The following ANXA13 variants were observed in gnomAD, a reference collection of about 807,000 sequenced individuals.
The protein encoded by ANXA13 is annexin A13, also known as annexin XIII.
Under a neutral mutation model 46.6 loss-of-function variants are expected in ANXA13, and 36 were observed. That is an observed-to-expected ratio of 0.77 (90% CI 0.59 to 1.02). The LOEUF (loss-of-function observed/expected upper bound fraction) is 1.02, where lower values mean the gene tolerates loss of function less well. ANXA13 is among the 50% of genes least tolerant of loss of function. The pLI is 0.00. For synonymous variants in ANXA13, 163 were observed against 152.9 expected (o/e 1.07, Z -0.49); for missense variants, 417 against 396.5 (o/e 1.05, Z -0.44).
In ANXA13 at chr8:123,702,669, C is replaced by A; in HGVS notation, c.159G>T (p.Lys53Asn). The A allele has an allele frequency of 6.2e-7, 1 of 1,614,078 alleles. No homozygotes were observed. The highest frequency in any genetic ancestry group is 8.5e-7 in the Non-Finnish European group (1 of 1,180,008). Reference sequence around the variant, plus strand: ...TGCCGTACGTTGCCTTGTACTTTTGCTTGATTTGTTGCCTCTCATCTGATG... The same window carrying A: ...TGCCGTACGTTGCCTTGTACTTTTGATTGATTTGTTGCCTCTCATCTGATG... ...GRTSDERQQI[K>N]QKYKATYGKE... Residue 53 changes from lysine to asparagine, a missense_variant, in exon 3 of 11, where the codon AAG becomes AAT. Physicochemically the swap from Lys to Asn is moderately conservative, Grantham distance 94. Coordinates refer to ENST00000419625, the MANE Select transcript of ANXA13 (RefSeq NM_004306.4).
chr8:123,684,639 A>G lies in ANXA13; in HGVS notation c.802T>C (p.Leu268=). 6.2e-7 allele frequency: 1 copy of G among 1,614,122 alleles called. No homozygotes were observed. The highest frequency in any genetic ancestry group is 2.2e-5 in the East Asian group (1 of 44,886). Residue 268 remains leucine, a synonymous_variant, in exon 10 of 11, where the codon TTG becomes CTG. Coordinates refer to ENST00000419625, the MANE Select transcript of ANXA13 (RefSeq NM_004306.4). The part of the protein sequence containing the change: ...MKGAGTDEET[L]IRIVVTRAEV... ...GCCCTGGTCACGACTATGCGAATCA[A>G]CGTCTCCTCATCGGTCCCCGCACCC...
At chr8:123,735,992 A>T in intron 1 of ANXA13, 4 of 1,158,694 alleles carry the variant, frequency 3.5e-6, no homozygotes, top group Non-Finnish European at 4.6e-6. Context: ...TGCAGGGTCC[A>T]TTGATTATTC....
intron 2 of ANXA13, among the ~76,000 whole-genome samples, chr8:123,706,653 G>A (rs1699949714): frequency 6.6e-6 from 1 of 152,118 alleles, no homozygotes. Flanking sequence ...TTTCCAATTG[G>A]CATTCACTGC....
chr8:123,688,999 T>A, intron 8 of ANXA13, 53 bp from the exon 9 acceptor site: 1 of 1,566,280 alleles, frequency 6.4e-7, no homozygotes, highest in Non-Finnish European at 8.8e-7. Flanking sequence ...TTGACCTTAG[T>A]ACTCTTGGGG....
chr8:123,693,408 G>A (rs1045794882), intron 7 of ANXA13, 110 bp from the exon 8 acceptor site: 12 of 936,252 alleles, frequency 1.3e-5, no homozygotes, highest in Non-Finnish European at 1.7e-5. Flanking sequence ...GCATTGAATA[G>A]AAGTCAAATG....
At chr8:123,733,777 A>G (rs1371569724) in intron 1 of ANXA13, among the ~76,000 whole-genome samples, 1 of 152,184 alleles carries the variant, frequency 6.6e-6, no homozygotes, top group Non-Finnish European at 1.5e-5. Flanking sequence ...GGGAGCACTT[A>G]CAAACCCTGA....
chr8:123,681,275 C>T lies in ANXA13; in HGVS notation c.916G>A (p.Asp306Asn). The T allele has an allele frequency of 6.2e-7, 1 of 1,614,084 alleles. No homozygotes were observed. The highest frequency in any genetic ancestry group is 8.5e-7 in the Non-Finnish European group (1 of 1,179,964). Reference protein sequence around the residue: ...SDMVRSDTSGDFRKLLVALLH With the variant: ...SDMVRSDTSGNFRKLLVALLH Reference sequence around the variant, plus strand: ...AGGGCTACTAGCAGTTTCCGGAAGTCCCCGGAGGTATCTGAGCGAACCATG... The same window carrying T: ...AGGGCTACTAGCAGTTTCCGGAAGTTCCCGGAGGTATCTGAGCGAACCATG... The change falls in exon 11 of 11, where the codon GAC becomes AAC. Residue 306 changes from aspartate (D) to asparagine (N), a missense_variant. Transcript: ENST00000419625.
Position 123,685,001 on chromosome 8 carries a change from G to A in ANXA13, c.719-279C>T, listed in dbSNP as rs570750190. 6.6e-5 allele frequency among the ~76,000 whole-genome samples: 10 copies of A among 152,308 alleles called. No individual in the cohort carries two copies. In the East Asian group the frequency reaches 1.7e-3, roughly 26 times the overall value. ...CCTCCCGGCCACGTCCATGATTCTC[G>A]TTATTTCCCAGCAGAAATAACTTTC... On this transcript the variant is annotated intron_variant, in intron 9 of 10. Coordinates refer to ENST00000419625, the MANE Select transcript of ANXA13 (RefSeq NM_004306.4).
intron 1 of ANXA13, among the ~76,000 whole-genome samples, chr8:123,713,663 T>C (rs1813703833): frequency 6.6e-6 from 1 of 152,196 alleles, no homozygotes; most frequent in African/African-American, 2.4e-5. Context: ...CCTTTTCTCA[T>C]GGAGCTTTTC....
intron 1 of ANXA13, among the ~76,000 whole-genome samples, chr8:123,731,645 T>C (rs1814119807): frequency 6.6e-6 from 1 of 151,924 alleles, no homozygotes; most frequent in East Asian, 1.9e-4. Context: ...AGGCTGAGGT[T>C]GGAGGATTCT....
At chr8:123,711,364 C>T (rs1384821943) in intron 2 of ANXA13, among the ~76,000 whole-genome samples, 1 of 152,212 alleles carries the variant, frequency 6.6e-6, no homozygotes, top group Non-Finnish European at 1.5e-5. Context: ...TTGGATGTCA[C>T]CCTCTTCCAG....
At chr8:123,715,060 A>G (rs936839868) in intron 1 of ANXA13, among the ~76,000 whole-genome samples, 3 of 152,240 alleles carry the variant, frequency 2.0e-5, no homozygotes, top group African/African-American at 4.8e-5. Context: ...GCAGAATGAT[A>G]CCTCCTGTTT....
At position 123,704,687 on chromosome 8, in the gene ANXA13, G is replaced by A. The variant is rs117588543; in HGVS notation, c.92-1951C>T. On this transcript the variant is annotated intron_variant, in intron 2 of 10. Transcript: ENST00000419625. ...GCTAGGATGACAGGCATGAGCCACCGCACCCGGCCTGCGGTTGACAATTCT... is the reference window on the plus strand; with the variant it reads ...GCTAGGATGACAGGCATGAGCCACCACACCCGGCCTGCGGTTGACAATTCT... Among the ~76,000 whole-genome samples, 830 of 152,234 alleles carry A rather than the reference G, an allele frequency of 5.5e-3. 4 individuals are homozygous for A. The highest frequency in any genetic ancestry group is 7.0e-3 in the Non-Finnish European group (475 of 68,000).
At chr8:123,724,248 A>C (rs1813940001) in intron 1 of ANXA13, among the ~76,000 whole-genome samples, 1 of 152,164 alleles carries the variant, frequency 6.6e-6, no homozygotes. Flanking sequence ...AGCTAAATAG[A>C]GTTTGGGGCT....
chr8:123,709,249 C>A (rs935647349), intron 2 of ANXA13, among the ~76,000 whole-genome samples: 3 of 152,192 alleles, frequency 2.0e-5, no homozygotes, highest in African/African-American at 7.2e-5. Flanking sequence ...TATCCCTCTC[C>A]ATGTGAGGAG....
intron 1 of ANXA13, among the ~76,000 whole-genome samples, chr8:123,722,279 C>A (rs1262986709): frequency 6.6e-6 from 1 of 150,664 alleles, no homozygotes; most frequent in Non-Finnish European, 1.5e-5. Context: ...CACTACTACA[C>A]TCCAGCCTGG....
intron 1 of ANXA13, among the ~76,000 whole-genome samples, chr8:123,715,127 T>C (rs1209157968): frequency 6.6e-6 from 1 of 152,240 alleles, no homozygotes; most frequent in African/African-American, 2.4e-5. Flanking sequence ...TTTGTAGGCT[T>C]GTTGGCAGGA....
At chr8:123,703,659 G>A (rs1813488370) in intron 2 of ANXA13, among the ~76,000 whole-genome samples, 1 of 152,188 alleles carries the variant, frequency 6.6e-6, no homozygotes. Context: ...TCTCAGGAGA[G>A]AAGTCTTGAT....
chr8:123,721,587 G>A (rs1401998244), intron 1 of ANXA13, among the ~76,000 whole-genome samples: 1 of 152,160 alleles, frequency 6.6e-6, no homozygotes, highest in Non-Finnish European at 1.5e-5. Flanking sequence ...GGTGCTTTGT[G>A]TAGTGCCTTT....
Sources: gnomAD v4.1 joint callset for allele counts (sites outside exome capture counted in the v4.1 genomes callset) on GRCh38, gnomAD v4.1.1 for gene constraint, MANE v1.5 for transcripts, NCBI Gene and HGNC (gene_info 2026-07-23, HGNC 2026-07-21) for gene names.